DLG2: variants seen among roughly 807,000 people sequenced by gnomAD.
DLG2 encodes discs large MAGUK scaffold protein 2, also known as disks large homolog 2.
In DLG2, 45 loss-of-function variants were observed where a neutral mutation model predicts 132.5. The ratio of observed to expected loss-of-function variants is 0.34; its 90% confidence interval spans 0.27 to 0.44. The LOEUF (loss-of-function observed/expected upper bound fraction) is 0.44, where lower values mean the gene tolerates loss of function less well. Ranked by LOEUF, DLG2 falls within the 20% of genes least tolerant of loss-of-function variation. The pLI is 1.00. For synonymous variants in DLG2, 424 were observed against 419.6 expected (o/e 1.01, Z -0.13); for missense variants, 1,045 against 1,196.9 (o/e 0.87, Z 1.87).
At chr11:84,518,822 G>A (rs576575753) in intron 7 of DLG2, among the ~76,000 whole-genome samples, 1 of 152,266 alleles carries the variant, frequency 6.6e-6, no homozygotes, top group African/African-American at 2.4e-5. Flanking sequence ...CCATCACTCA[G>A]TAGCTCTGGA....
chr11:84,327,637 A>G (rs921514430), intron 7 of DLG2, among the ~76,000 whole-genome samples: 10 of 152,192 alleles, frequency 6.6e-5, no homozygotes, highest in Non-Finnish European at 1.0e-4. Context: ...GACATCTTGC[A>G]GTTATAATAA....
At chr11:83,963,761 C>T (rs186750965) in intron 13 of DLG2, among the ~76,000 whole-genome samples, 8 of 152,060 alleles carry the variant, frequency 5.3e-5, no homozygotes, top group East Asian at 3.9e-4. Flanking sequence ...TCCTATCATC[C>T]GCAAACATAG....
chr11:84,853,583 C>A (rs993442083), intron 6 of DLG2, among the ~76,000 whole-genome samples: 2 of 151,978 alleles, frequency 1.3e-5, no homozygotes, highest in Non-Finnish European at 2.9e-5. Flanking sequence ...TTAGTGCCTA[C>A]CCTGCATCGA....
At chr11:84,111,866 C>T (rs2093366229) in intron 9 of DLG2, among the ~76,000 whole-genome samples, 1 of 152,134 alleles carries the variant, frequency 6.6e-6, no homozygotes, top group Admixed American at 6.5e-5. Context: ...CATCATTTAC[C>T]AAGTTTTATT....
chr11:84,313,933 C>T lies in DLG2; in HGVS notation c.520-62642G>A, dbSNP rs540897184. Among the ~76,000 whole-genome samples, 3 of 152,238 alleles carry T rather than the reference C, an allele frequency of 2.0e-5. No individual in the cohort carries two copies. The South Asian group carries it at 6.2e-4, about 32-fold the overall frequency. On this transcript the variant is annotated intron_variant, in intron 7 of 27. Coordinates refer to ENST00000376104, the MANE Select transcript of DLG2 (RefSeq NM_001142699.3). ...ACCTATGATTATGGTTATATTAATTCTACAGATCCAAATGGAATGAAAACT... is the reference window on the plus strand; with the variant it reads ...ACCTATGATTATGGTTATATTAATTTTACAGATCCAAATGGAATGAAAACT...
chr11:83,932,513 C>A (rs1047541419), intron 14 of DLG2, among the ~76,000 whole-genome samples: 1 of 152,126 alleles, frequency 6.6e-6, no homozygotes. Flanking sequence ...GGATTACAGG[C>A]GTGAGCCACC....
chr11:84,350,186 A>ACCC (rs1567367238), intron 7 of DLG2, among the ~76,000 whole-genome samples: 5 of 131,070 alleles, frequency 3.8e-5, no homozygotes, highest in Admixed American at 7.7e-5. Context: ...CCCCCCCCCA[A>ACCC]AAAAAAAAAA....
At chr11:83,826,677 C>T (rs1034761357) in intron 17 of DLG2, among the ~76,000 whole-genome samples, 1 of 152,150 alleles carries the variant, frequency 6.6e-6, no homozygotes, top group Non-Finnish European at 1.5e-5. Flanking sequence ...AGTTGGATTT[C>T]ACTTCAAAGT....
intron 4 of DLG2, among the ~76,000 whole-genome samples, chr11:85,201,597 C>T (rs932196258): frequency 2.0e-5 from 3 of 152,200 alleles, no homozygotes; most frequent in Admixed American, 6.5e-5. Context: ...AGTCAGTCTT[C>T]TTAGAGTCTC....
chr11:83,761,178 T>C (rs1380248930), intron 18 of DLG2, among the ~76,000 whole-genome samples: 1 of 152,146 alleles, frequency 6.6e-6, no homozygotes, highest in East Asian at 1.9e-4. Flanking sequence ...ACAGTGAGAA[T>C]GGGCATTTAT....
intron 16 of DLG2, 65 bp downstream of exon 16, chr11:83,874,355 G>A: frequency 8.8e-7 from 1 of 1,139,150 alleles, no homozygotes; most frequent in Non-Finnish European, 1.2e-6. Context: ...CAGAGACAGG[G>A]AGAGAAAGGA....
intron 19 of DLG2, among the ~76,000 whole-genome samples, chr11:83,558,087 G>A (rs1158168849): frequency 6.6e-6 from 1 of 152,178 alleles, no homozygotes; most frequent in Non-Finnish European, 1.5e-5. Context: ...GTGGGTTTCT[G>A]TAATTTCTTG....
intron 6 of DLG2, among the ~76,000 whole-genome samples, chr11:84,928,717 T>C (rs1307826702): frequency 6.6e-6 from 1 of 151,680 alleles, no homozygotes; most frequent in Non-Finnish European, 1.5e-5. Context: ...TGGAATTTCT[T>C]GCATCCTCCT....
At chr11:85,217,314 T>TCACACACACACA (rs764728080) in intron 4 of DLG2, among the ~76,000 whole-genome samples, 2 of 22,044 alleles carry the variant, frequency 9.1e-5, no homozygotes, top group South Asian at 2.9e-3. Context: ...ATTCTCTCTC[T>TCACACACACACA]CTCTCACACA....
At chr11:84,524,572 G>A (rs2099314384) in intron 7 of DLG2, among the ~76,000 whole-genome samples, 2 of 152,144 alleles carry the variant, frequency 1.3e-5, no homozygotes, top group Admixed American at 6.5e-5. Context: ...TTAACTAAGA[G>A]CTTCTAATTT....
chr11:85,065,590 T>C (rs915730879), intron 6 of DLG2, among the ~76,000 whole-genome samples: 9 of 151,156 alleles, frequency 6.0e-5, no homozygotes, highest in Non-Finnish European at 8.9e-5. Flanking sequence ...CTTTAAGTTC[T>C]GGGATAAAAT....
At chr11:84,496,421 T>C (rs1170389973) in intron 7 of DLG2, among the ~76,000 whole-genome samples, 5 of 152,164 alleles carry the variant, frequency 3.3e-5, no homozygotes, top group African/African-American at 1.2e-4. Flanking sequence ...TTGTGCCTGC[T>C]ACATGAATGG....
At chr11:84,644,158 C>A (rs1176685955) in intron 6 of DLG2, among the ~76,000 whole-genome samples, 1 of 152,058 alleles carries the variant, frequency 6.6e-6, no homozygotes, top group East Asian at 1.9e-4. Context: ...TGAGTTTTCC[C>A]GGGGGCTGAG....
chr11:85,412,205 A>G lies in DLG2; in HGVS notation c.41-126840T>C, dbSNP rs150859395. On this transcript the variant is annotated intron_variant, in intron 3 of 27. Coordinates refer to ENST00000376104, the MANE Select transcript of DLG2 (RefSeq NM_001142699.3). ...GACTGAAGGAAATGATTTTTGTTCA[A>G]TAGCTGGCAGGAGGCATCCATTCTC... is the stretch of plus-strand genomic sequence containing the variant. Among the ~76,000 whole-genome samples the G allele has an allele frequency of 2.6e-3, 392 of 151,950 alleles. 2 individuals carry two copies. The highest frequency in any genetic ancestry group is 8.7e-3 in the African/African-American group (363 of 41,524).
Sources: gnomAD v4.1 joint callset for allele counts (sites outside exome capture counted in the v4.1 genomes callset) on GRCh38, gnomAD v4.1.1 for gene constraint, MANE v1.5 for transcripts, NCBI Gene and HGNC (gene_info 2026-07-23, HGNC 2026-07-21) for gene names.